CNTNAP2: variants seen among roughly 807,000 people sequenced by gnomAD.
CNTNAP2 encodes the protein contactin associated protein 2.
A neutral mutation model predicts 155.2 loss-of-function variants in CNTNAP2; 98 were observed. The ratio of observed to expected loss-of-function variants is 0.63; its 90% CI spans 0.54 to 0.75. The LOEUF is 0.75. CNTNAP2 is among the 30% of genes least tolerant of loss of function. The pLI, the probability that CNTNAP2 is intolerant of heterozygous loss-of-function variation, is 0.00. For synonymous variants in CNTNAP2, 651 were observed against 631.2 expected, an observed-to-expected ratio of 1.03 and a Z score of -0.47; for missense variants, 1,727 against 1,688.1, an observed-to-expected ratio of 1.02 and a Z score of -0.40.
chr7:147,290,809 G>A (rs569683253), intron 8 of CNTNAP2, among the ~76,000 whole-genome samples: 1 of 152,172 alleles, frequency 6.6e-6, no homozygotes, highest in East Asian at 1.9e-4. Context: ...AGCTCAGTTG[G>A]AAACTTGTGC....
chr7:146,739,927 G>C (rs1563211572), intron 1 of CNTNAP2, among the ~76,000 whole-genome samples: 1 of 151,760 alleles, frequency 6.6e-6, no homozygotes, highest in African/African-American at 2.4e-5. Flanking sequence ...TTTTGACTTG[G>C]AGTCCATTTA....
intron 16 of CNTNAP2, among the ~76,000 whole-genome samples, chr7:148,123,694 GAGAA>G (rs1804654752): frequency 1.4e-5 from 2 of 146,226 alleles, no homozygotes; most frequent in East Asian, 2.0e-4. Context: ...GAAAAAGAAA[GAGAA>G]AGAGAGAAAC....
intron 21 of CNTNAP2, among the ~76,000 whole-genome samples, chr7:148,280,286 G>A (rs1002661159): frequency 2.0e-5 from 3 of 152,104 alleles, no homozygotes; most frequent in African/African-American, 7.2e-5. Flanking sequence ...CTGCATCTAG[G>A]TGACAGAGCT....
chr7:147,961,274 A>G (rs549349591), intron 14 of CNTNAP2, among the ~76,000 whole-genome samples: 3 of 152,298 alleles, frequency 2.0e-5, no homozygotes, highest in African/African-American at 7.2e-5. Flanking sequence ...GCCTTCTTCT[A>G]AATAGTTGTG....
chr7:146,461,170 G>A (rs1796630573), intron 1 of CNTNAP2, among the ~76,000 whole-genome samples: 1 of 152,186 alleles, frequency 6.6e-6, no homozygotes, highest in African/African-American at 2.4e-5. Flanking sequence ...ATGGGAGGCC[G>A]AGGTGGGTGG....
chr7:147,895,140 A>G (rs1195332854), intron 13 of CNTNAP2, among the ~76,000 whole-genome samples: 1 of 150,632 alleles, frequency 6.6e-6, no homozygotes, highest in Non-Finnish European at 1.5e-5. Context: ...CAGCTGGCTA[A>G]TTTTTGTATT....
intron 1 of CNTNAP2, among the ~76,000 whole-genome samples, chr7:146,338,756 A>G (rs74570980): frequency 6.6e-6 from 1 of 152,194 alleles, no homozygotes; most frequent in South Asian, 2.1e-4. Context: ...CTTTTTAAGA[A>G]TATAGAGTCT....
intron 13 of CNTNAP2, among the ~76,000 whole-genome samples, chr7:147,871,745 G>A (rs1026159056): frequency 6.7e-6 from 1 of 149,276 alleles, no homozygotes; most frequent in Admixed American, 6.7e-5. Context: ...AAGCACACAT[G>A]CTATCCACTC....
intron 14 of CNTNAP2, among the ~76,000 whole-genome samples, chr7:147,921,255 C>A (rs1289229567): frequency 6.6e-6 from 1 of 152,174 alleles, no homozygotes; most frequent in South Asian, 2.1e-4. Flanking sequence ...TGGCAGACGC[C>A]ATTTGCCTGC....
intron 1 of CNTNAP2, among the ~76,000 whole-genome samples, chr7:146,145,236 G>A (rs947887863): frequency 1.3e-5 from 2 of 152,142 alleles, no homozygotes; most frequent in Non-Finnish European, 2.9e-5. Flanking sequence ...AGATTCAAGG[G>A]CCGAAAGCGT....
At chr7:147,111,872 T>C (rs1392173520) in intron 5 of CNTNAP2, among the ~76,000 whole-genome samples, 1 of 152,182 alleles carries the variant, frequency 6.6e-6, no homozygotes, top group Non-Finnish European at 1.5e-5. Flanking sequence ...CCATGTGAAT[T>C]TTTAAATAGT....
chr7:146,919,527 G>A (rs1796457105), intron 3 of CNTNAP2, among the ~76,000 whole-genome samples: 1 of 152,172 alleles, frequency 6.6e-6, no homozygotes, highest in Non-Finnish European at 1.5e-5. Context: ...AAACAGTCCT[G>A]TGATGTGATC....
At position 147,079,377 on chromosome 7, in the gene CNTNAP2, G is replaced by A. The variant is rs368193085; in HGVS notation, c.551-28770G>A. ...CAGAGCTGTCTTCATCCCACCGTTA[G>A]TGGGACATGCAGTTTGGGATGTTGC... On this transcript the variant is annotated intron_variant, in intron 4 of 23. Transcript: ENST00000361727. 1.8e-4 allele frequency among the ~76,000 whole-genome samples: 27 copies of A among 152,148 alleles called. 1 individual carries two copies. The highest frequency in any genetic ancestry group is 6.8e-3 in the Middle Eastern group (2 of 294).
chr7:147,646,924 GAAGAA>G (rs759035386), intron 13 of CNTNAP2, among the ~76,000 whole-genome samples: 46 of 151,532 alleles, frequency 3.0e-4, no homozygotes, highest in Non-Finnish European at 5.0e-4. Context: ...AAAGAACGCA[GAAGAA>G]AAGAAAAATA....
At chr7:147,195,162 A>G (rs1802761848) in intron 8 of CNTNAP2, among the ~76,000 whole-genome samples, 1 of 152,174 alleles carries the variant, frequency 6.6e-6, no homozygotes, top group South Asian at 2.1e-4. Flanking sequence ...TCCCATTACC[A>G]TTTACTGAAT....
chr7:147,709,602 G>A (rs1292075554), intron 13 of CNTNAP2, among the ~76,000 whole-genome samples: 1 of 152,144 alleles, frequency 6.6e-6, no homozygotes, highest in African/African-American at 2.4e-5. Context: ...CTTTCTAGTA[G>A]TCCTCTATAA....
At chr7:147,477,253 A>G (rs552845315) in intron 10 of CNTNAP2, among the ~76,000 whole-genome samples, 1 of 152,306 alleles carries the variant, frequency 6.6e-6, no homozygotes, top group East Asian at 1.9e-4. Context: ...AAGAGTTTCT[A>G]TCAAAACCTA....
chr7:146,870,684 T>C (rs1202272027), intron 3 of CNTNAP2, among the ~76,000 whole-genome samples: 1 of 152,200 alleles, frequency 6.6e-6, no homozygotes, highest in African/African-American at 2.4e-5. Flanking sequence ...TGTTCTACAA[T>C]CATAACTTTA....
intron 3 of CNTNAP2, among the ~76,000 whole-genome samples, chr7:147,035,563 A>T (rs537664478): frequency 6.6e-6 from 1 of 152,288 alleles, no homozygotes; most frequent in African/African-American, 2.4e-5. Context: ...AGCAAGTAAG[A>T]TCTCTCACTT....
Sources: gnomAD v4.1 joint callset for allele counts (sites outside exome capture counted in the v4.1 genomes callset) on GRCh38, gnomAD v4.1.1 for gene constraint, MANE v1.5 for transcripts, NCBI Gene and HGNC (gene_info 2026-07-23, HGNC 2026-07-21) for gene names.